Variants in ZBTB46 observed in about 807,000 individuals in gnomAD.
ZBTB46 encodes the protein zinc finger and BTB domain-containing protein 46.
ZBTB46 carries 8 observed loss-of-function variants against 44.1 expected under a neutral mutation model. That is an observed-to-expected ratio of 0.18 (90% CI 0.11 to 0.33). ZBTB46 has a LOEUF of 0.33. Ranked by LOEUF, ZBTB46 falls within the 10% of genes least tolerant of loss-of-function variation. The pLI is 1.00. For missense variants in ZBTB46, 651 were observed against 847.7 expected, an observed-to-expected ratio of 0.77 and a Z score of 2.88; for synonymous variants, 409 against 382.3, an observed-to-expected ratio of 1.07 and a Z score of -0.81.
intron 1 of ZBTB46, among the ~76,000 whole-genome samples, chr20:63,821,787 TTAAAG>T (rs1369553563): frequency 6.6e-6 from 1 of 152,186 alleles, no homozygotes; most frequent in Non-Finnish European, 1.5e-5. Flanking sequence ...ACAGAAATAC[TTAAAG>T]TACAGAGTAA....
chr20:63,776,981 AAC>A (rs2092430637), intron 2 of ZBTB46, among the ~76,000 whole-genome samples: 1 of 151,924 alleles, frequency 6.6e-6, no homozygotes, highest in South Asian at 2.1e-4. Context: ...CGCAAAACAC[AAC>A]ACGATTCCAC....
chr20:63,823,099 T>C (rs1364658304), intron 1 of ZBTB46, among the ~76,000 whole-genome samples: 1 of 151,440 alleles, frequency 6.6e-6, no homozygotes, highest in Non-Finnish European at 1.5e-5. Context: ...AACCGAGAGG[T>C]GGAGATTGCA....
At chr20:63,776,290 TGA>T (rs1387971681) in intron 2 of ZBTB46, among the ~76,000 whole-genome samples, 1 of 152,216 alleles carries the variant, frequency 6.6e-6, no homozygotes, top group African/African-American at 2.4e-5. Context: ...GCCGAGGGCC[TGA>T]GAGTCAGAGG....
At chr20:63,831,934 A>T (rs1345532684), upstream of ZBTB46, among the ~76,000 whole-genome samples, 1 of 151,608 alleles carries the variant, frequency 6.6e-6, no homozygotes, top group Admixed American at 6.6e-5. Flanking sequence ...GGGCCTGGGC[A>T]CCGCGCGCGC....
Position 63,775,775 on chromosome 20 carries a change from C to T in ZBTB46, c.1125G>A (p.Met375Ile). 1 of 1,613,334 alleles carries T rather than the reference C, an allele frequency of 6.2e-7. No homozygotes were observed. Among genetic ancestry groups the T allele is most frequent in the South Asian group, 1.1e-5 (1 of 91,042 alleles). The change falls in exon 3 of 5, where the codon ATG (methionine) becomes ATA (isoleucine). Residue 375 changes from methionine (M) to isoleucine (I), a missense_variant. Coordinates refer to ENST00000245663, the MANE Select transcript of ZBTB46 (RefSeq NM_001369741.1). ...TAVANLRAAL[M>I]SKNSLLSLKA... ...TCAGCGACAGCAGGCTGTTCTTACT[C>T]ATGAGCGCCGCGCGCAGGTTGGCCA...
intron 1 of ZBTB46, chr20:63,815,096 GA>G: frequency 5.1e-6 from 1 of 194,922 alleles, no homozygotes; most frequent in Non-Finnish European, 1.1e-5. Flanking sequence ...ATGCTATTCT[GA>G]AAAGGGGCCA....
intron 2 of ZBTB46, among the ~76,000 whole-genome samples, chr20:63,785,751 C>G (rs1372212121): frequency 1.3e-5 from 2 of 152,216 alleles, no homozygotes; most frequent in Non-Finnish European, 2.9e-5. Flanking sequence ...CAGGGAGTCA[C>G]TGGCCGCCAC....
chr20:63,763,906 A>T (rs2092297204), intron 3 of ZBTB46, among the ~76,000 whole-genome samples: 1 of 152,096 alleles, frequency 6.6e-6, no homozygotes, highest in South Asian at 2.1e-4. Flanking sequence ...TTGTTGCTTT[A>T]AACAATCAAG....
At chr20:63,768,533 G>A (rs1382817798) in intron 3 of ZBTB46, among the ~76,000 whole-genome samples, 3 of 152,052 alleles carry the variant, frequency 2.0e-5, no homozygotes, top group East Asian at 1.9e-4. Flanking sequence ...CTTGAACCCC[G>A]AAGGTGGAGG....
At chr20:63,823,454 C>T (rs757762033) in intron 1 of ZBTB46, among the ~76,000 whole-genome samples, 12 of 151,912 alleles carry the variant, frequency 7.9e-5, no homozygotes, top group Non-Finnish European at 1.2e-4. Context: ...GCCAAGATCA[C>T]GCCACTGCAT....
rs1183349664 is a variant in ZBTB46, at chr20:63,831,077, A to G, written c.-34+20T>C. ...GATGCGCCCGCCCGGCCGCGCGGAC[A>G]ATGAGCCGGCGCCGCTTACCTGTGA... On this transcript the variant is annotated intron_variant, in intron 1 of 4. Coordinates refer to ENST00000245663, the MANE Select transcript of ZBTB46 (RefSeq NM_001369741.1). 7.4e-6 allele frequency: 1 copy of G among 134,856 alleles called. No homozygotes were observed. The allele number at this position is 134,856 out of a possible 1,614,324, so 8.4% of individuals were successfully genotyped here.
intron 1 of ZBTB46, among the ~76,000 whole-genome samples, chr20:63,795,139 A>G (rs909527172): frequency 2.0e-5 from 3 of 152,208 alleles, no homozygotes; most frequent in Non-Finnish European, 4.4e-5. Flanking sequence ...ACACCGCCTC[A>G]GCTTTTTCTG....
chr20:63,826,094 C>CAGCG (rs1435551149), intron 1 of ZBTB46, among the ~76,000 whole-genome samples: 4 of 152,234 alleles, frequency 2.6e-5, no homozygotes, highest in Non-Finnish European at 5.9e-5. Flanking sequence ...GCCTCGTGTG[C>CAGCG]AGCGATATGC....
At chr20:63,826,686 C>T (rs1336477000) in intron 1 of ZBTB46, among the ~76,000 whole-genome samples, 1 of 152,228 alleles carries the variant, frequency 6.6e-6, no homozygotes. Context: ...CATCGCGCCG[C>T]TGCACTCCAG....
Position 63,767,901 on chromosome 20 carries a change from G to A in ZBTB46, c.1222+7777C>T. 1 of 985,466 alleles carries A rather than the reference G, an allele frequency of 1.0e-6. No homozygotes were observed. Among genetic ancestry groups the A allele is most frequent in the Non-Finnish European group, 1.2e-6 (1 of 829,932 alleles). 61.0% of individuals were successfully genotyped at this position (985,466 alleles called of 1,614,324 possible). A position where few individuals can be genotyped will look rare whatever the true frequency, so the allele number is the denominator to read the frequency against. On this transcript the variant is annotated intron_variant, in intron 3 of 4. Transcript: ENST00000245663. This position sits in a 1 kb window ranked among gnomAD's most constrained non-coding sequence, Gnocchi z 5.0. ...TCCTGGACAGGCCACAGGCCCTGCA[G>A]AAACCCACCCTCATGCCAGCGGGAG...
chr20:63,762,958 C>A (rs931381744), intron 3 of ZBTB46, among the ~76,000 whole-genome samples: 3 of 152,126 alleles, frequency 2.0e-5, no homozygotes, highest in Non-Finnish European at 4.4e-5. Context: ...AACTTTTGGG[C>A]TCAAGTCATC....
At chr20:63,747,581 G>T (rs2092116744) in intron 4 of ZBTB46, among the ~76,000 whole-genome samples, 1 of 136,220 alleles carries the variant, frequency 7.3e-6, no homozygotes, top group Non-Finnish European at 1.6e-5. Context: ...GGTTGGGGGG[G>T]CACAGCCTCC....
At chr20:63,826,965 C>T (rs963930383) in intron 1 of ZBTB46, among the ~76,000 whole-genome samples, 4 of 152,206 alleles carry the variant, frequency 2.6e-5, no homozygotes, top group Non-Finnish European at 5.9e-5. Flanking sequence ...TCCACCAGGA[C>T]CGGATGACTG....
At chr20:63,798,842 T>C (rs1199376271) in intron 1 of ZBTB46, among the ~76,000 whole-genome samples, 1 of 117,836 alleles carries the variant, frequency 8.5e-6, no homozygotes, top group Non-Finnish European at 1.8e-5. Context: ...AGACTCTGTC[T>C]AAAAAAAAAA....
Sources: gnomAD v4.1 joint callset for allele counts (sites outside exome capture counted in the v4.1 genomes callset) on GRCh38, gnomAD v4.1.1 for gene constraint, Gnocchi (gnomAD v3.1) non-coding constraint, MANE v1.5 for transcripts, NCBI Gene and HGNC (gene_info 2026-07-23, HGNC 2026-07-21) for gene names.